Variants in AKR1E2 observed in about 807,000 individuals in gnomAD.
AKR1E2 encodes the protein 1,5-anhydro-D-fructose reductase.
Under a neutral mutation model 41.9 loss-of-function variants are expected in AKR1E2, and 43 were observed. The ratio of observed to expected loss-of-function variants is 1.03; its 90% CI spans 0.80 to 1.32. The LOEUF is 1.32. Ranked by LOEUF, AKR1E2 falls within the 40% of genes most tolerant of loss-of-function variation. The probability of loss-of-function intolerance (pLI) is 0.00; values close to 1 mark genes in which losing one functional copy is unlikely to be tolerated. For missense variants in AKR1E2, 423 were observed against 396.5 expected (o/e 1.07, Z -0.57); for synonymous variants, 121 against 138.9 (o/e 0.87, Z 0.91).
At chr10:4,835,922 T>C (rs1312265841) in intron 4 of AKR1E2, 113 bp downstream of exon 4, 7 of 1,425,120 alleles carry the variant, frequency 4.9e-6, no homozygotes, top group Non-Finnish European at 6.6e-6. Context: ...ACCTGAGATG[T>C]GGGGTTTGTG....
intron 4 of AKR1E2, among the ~76,000 whole-genome samples, chr10:4,836,519 A>G (rs1233075832): frequency 6.6e-6 from 1 of 152,204 alleles, no homozygotes; most frequent in African/African-American, 2.4e-5. Context: ...TTGAGGCCCA[A>G]GAAGAAAGTA....
chr10:4,847,644 C>A lies in AKR1E2; in HGVS notation c.*114C>A. The stretch of plus-strand genomic sequence containing the variant: ...GCAGCTGTGCCTGGGACAGGAGCCA[C>A]ACAGTCAGAGGGGGATGTAAGAGCC... On this transcript the variant is annotated 3_prime_UTR_variant, in exon 10 of 10. Coordinates refer to ENST00000298375, the MANE Select transcript of AKR1E2 (RefSeq NM_001040177.3). The A allele has an allele frequency of 7.9e-7, 1 of 1,270,410 alleles. No homozygotes were observed. The highest frequency in any genetic ancestry group is 1.1e-6 in the Non-Finnish European group (1 of 889,468). 78.7% of individuals were successfully genotyped at this position (1,270,410 alleles called of 1,614,324 possible).
In AKR1E2 at chr10:4,847,229, A is replaced by T; in HGVS notation, c.919A>T (p.Ile307Leu). Residue 307 changes from isoleucine to leucine, a missense_variant and splice_region_variant, in exon 9 of 10, where the codon ATA becomes TTA. Transcript: ENST00000298375. ...NRNLRLAMFP[I>L]TKNHKDYPFH... Reference sequence around the variant, plus strand: ...GAATCTCCGACTGGCCATGTTCCCCATGTAAATATGGCTCCTTCTTTTTAA... The same window carrying T: ...GAATCTCCGACTGGCCATGTTCCCCTTGTAAATATGGCTCCTTCTTTTTAA... The T allele has an allele frequency of 1.2e-6, 2 of 1,613,966 alleles. No individual in the cohort carries two copies. The highest frequency in any genetic ancestry group is 1.7e-6 in the Non-Finnish European group (2 of 1,179,830).
intron 8 of AKR1E2, chr10:4,845,657 C>G (rs944766932): frequency 4.4e-6 from 2 of 455,232 alleles, no homozygotes; most frequent in Non-Finnish European, 9.1e-6. Flanking sequence ...GGGGCCACAT[C>G]GCCCCAGTTC....
At chr10:4,829,509 C>T (rs751798393) in intron 1 of AKR1E2, among the ~76,000 whole-genome samples, 6 of 151,996 alleles carry the variant, frequency 3.9e-5, no homozygotes, top group Admixed American at 3.3e-4. Flanking sequence ...GAGATAAGTC[C>T]GTCTTTTTCT....
chr10:4,868,237 T>A, the AKR1E2 span, among the ~76,000 whole-genome samples: 1 of 152,190 alleles, frequency 6.6e-6, no homozygotes, highest in Non-Finnish European at 1.5e-5. Context: ...GGTTCTGAGC[T>A]GATCCTGACT....
the AKR1E2 span, among the ~76,000 whole-genome samples, chr10:4,855,652 C>G: frequency 6.6e-6 from 1 of 152,152 alleles, no homozygotes; most frequent in Non-Finnish European, 1.5e-5. Context: ...TACGAAAGAG[C>G]TTTAATTTAT....
the AKR1E2 span, among the ~76,000 whole-genome samples, chr10:4,868,557 T>C: frequency 6.6e-6 from 1 of 152,218 alleles, no homozygotes; most frequent in East Asian, 1.9e-4. Flanking sequence ...TATCTACTTT[T>C]CTTGTCTTAC....
chr10:4,837,971 G>A (rs2924271), intron 5 of AKR1E2, among the ~76,000 whole-genome samples: 1 of 152,170 alleles, frequency 6.6e-6, no homozygotes, highest in East Asian at 1.9e-4. Flanking sequence ...GGCTTCACGC[G>A]AGGCTCACAG....
At chr10:4,833,107 T>TG (rs1833111737) in intron 2 of AKR1E2, among the ~76,000 whole-genome samples, 2 of 152,218 alleles carry the variant, frequency 1.3e-5, no homozygotes, top group African/African-American at 4.8e-5. Flanking sequence ...CTTGGATTCC[T>TG]GAGCTTCCCT....
rs983430023 is a variant in AKR1E2, at chr10:4,826,276, C to T, written c.-49C>T. ...CCGCAGTAGCTCGCGCGGTGCCTGT[C>T]GGTAGTCGCGTGCGGGGCGGCGGGG... is the stretch of plus-strand genomic sequence containing the variant. On this transcript the variant is annotated 5_prime_UTR_variant, in exon 1 of 10. Coordinates refer to ENST00000298375, the MANE Select transcript of AKR1E2 (RefSeq NM_001040177.3). The T allele has an allele frequency of 4.1e-6, 5 of 1,223,930 alleles. No individual in the cohort carries two copies. In the African/African-American group the frequency reaches 4.7e-5, roughly 11 times the overall value. The allele number at this position is 1,223,930 out of a possible 1,614,324, so 75.8% of individuals were successfully genotyped here.
chr10:4,850,180 C>A (rs886607570), downstream of AKR1E2, among the ~76,000 whole-genome samples: 6 of 152,142 alleles, frequency 3.9e-5, no homozygotes, highest in Non-Finnish European at 4.4e-5. Context: ...AGTTCTTCCC[C>A]ACTCTGGGGC....
At chr10:4,865,983 C>T in the AKR1E2 span, among the ~76,000 whole-genome samples, 36 of 152,276 alleles carry the variant, frequency 2.4e-4, no homozygotes, top group African/African-American at 7.7e-4. Context: ...TTTGGTCAAT[C>T]TCCTTCTCTC....
chr10:4,862,497 A>C, the AKR1E2 span, among the ~76,000 whole-genome samples: 1 of 152,222 alleles, frequency 6.6e-6, no homozygotes, highest in African/African-American at 2.4e-5. Flanking sequence ...TGAGGATGAC[A>C]TTGAATCTAT....
At chr10:4,847,117 G>A (rs1834391318) in intron 8 of AKR1E2, 31 bp from the exon 9 acceptor site, 1 of 1,613,540 alleles carries the variant, frequency 6.2e-7, no homozygotes, top group Admixed American at 1.7e-5. Flanking sequence ...ATTAAACTAA[G>A]TTTTCTACAA....
the AKR1E2 span, among the ~76,000 whole-genome samples, chr10:4,855,300 T>G: frequency 6.6e-6 from 1 of 152,210 alleles, no homozygotes; most frequent in Non-Finnish European, 1.5e-5. Context: ...TTGGGGCAAA[T>G]CTGATGTGCT....
intron 7 of AKR1E2, 42 bp from the exon 8 acceptor site, chr10:4,842,379 G>A (rs1296417274): frequency 6.4e-7 from 1 of 1,565,634 alleles, no homozygotes; most frequent in South Asian, 1.1e-5. Flanking sequence ...GACTACATGG[G>A]ATTTCCCTTT....
chr10:4,835,118 G>C (rs1833298556), intron 3 of AKR1E2, among the ~76,000 whole-genome samples: 2 of 152,212 alleles, frequency 1.3e-5, no homozygotes, highest in African/African-American at 4.8e-5. Flanking sequence ...CATGCTACGT[G>C]GGAGTACATG....
At chr10:4,871,888 C>T in the AKR1E2 span, 1 of 152,176 alleles carries the variant, frequency 6.6e-6, no homozygotes, top group Non-Finnish European at 1.5e-5. Flanking sequence ...CAACCACAGA[C>T]TCTTTTCTTT....
Sources: allele counts gnomAD v4.1 joint callset (sites outside exome capture counted in the v4.1 genomes callset), GRCh38; gene constraint gnomAD v4.1.1; transcripts MANE v1.5; gene names NCBI Gene and HGNC (gene_info 2026-07-23, HGNC 2026-07-21).